Variants in CTNNA3 observed in about 807,000 individuals in gnomAD.
CTNNA3 encodes catenin alpha 3.
A neutral mutation model predicts 95.7 loss-of-function variants in CTNNA3; 76 were observed. The ratio of observed to expected loss-of-function variants is 0.79; its 90% CI spans 0.66 to 0.96. The LOEUF (loss-of-function observed/expected upper bound fraction) is 0.96, where lower values mean the gene tolerates loss of function less well. Among genes scored for constraint, CTNNA3 ranks in the 40% least tolerant of loss-of-function variants. The pLI is 0.00. For synonymous variants in CTNNA3, 431 were observed against 374.4 expected (o/e 1.15, Z -1.74); for missense variants, 1,191 against 1,089.8 (o/e 1.09, Z -1.31).
At chr10:67,313,594 T>C (rs140996611) in intron 5 of CTNNA3, among the ~76,000 whole-genome samples, 45 of 152,302 alleles carry the variant, frequency 3.0e-4, no homozygotes, top group Non-Finnish European at 4.6e-4. Context: ...TGATATTATG[T>C]AATTTGTGCT....
In CTNNA3 at chr10:66,406,079, TA is replaced by T. The variant is rs562229427; in HGVS notation, c.1532-26728del. ...CAGTGTTATCTCTCTTCAAGAAGAA[TA>T]AAAAAAGGATCTTATTAAATGGCAG... is the stretch of plus-strand genomic sequence containing the variant. On this transcript the variant is annotated intron_variant, in intron 11 of 17. Transcript: ENST00000433211. Among the ~76,000 whole-genome samples, 509 of 152,096 alleles carry T rather than the reference TA, an allele frequency of 3.3e-3. 1 individual carries two copies. Among genetic ancestry groups the T allele is most frequent in the African/African-American group, 0.012 (487 of 41,516 alleles).
At chr10:66,220,808 A>G (rs1239158506) in intron 13 of CTNNA3, among the ~76,000 whole-genome samples, 6 of 152,104 alleles carry the variant, frequency 3.9e-5, no homozygotes, top group Admixed American at 3.9e-4. Context: ...CTTCTCACCA[A>G]CATCAAGCTG....
At chr10:67,211,268 G>GA (rs572025128) in intron 6 of CTNNA3, among the ~76,000 whole-genome samples, 7,032 of 135,808 alleles carry the variant, frequency 0.052, 178 homozygotes, top group South Asian at 0.1. Flanking sequence ...AAGTTTTGGA[G>GA]AAAAAAAAAA....
intron 9 of CTNNA3, among the ~76,000 whole-genome samples, chr10:66,736,046 A>G (rs936541519): frequency 2.0e-5 from 3 of 152,190 alleles, no homozygotes; most frequent in African/African-American, 7.2e-5. Flanking sequence ...AGCAGACATC[A>G]GTCCAACCTG....
chr10:67,512,259 T>C (rs999605022), intron 5 of CTNNA3, among the ~76,000 whole-genome samples: 8 of 152,084 alleles, frequency 5.3e-5, no homozygotes, highest in Non-Finnish European at 1.0e-4. Flanking sequence ...TGGGAATGCT[T>C]GTAGAGAAAT....
chr10:67,267,947 T>C, intron 5 of CTNNA3, among the ~76,000 whole-genome samples: 1 of 152,144 alleles, frequency 6.6e-6, no homozygotes, highest in East Asian at 1.9e-4. Flanking sequence ...AATTTAAAAA[T>C]AGTTGTCTCT....
intron 7 of CTNNA3, among the ~76,000 whole-genome samples, chr10:67,025,391 C>T (rs1853310543): frequency 6.6e-6 from 1 of 151,678 alleles, no homozygotes; most frequent in South Asian, 2.1e-4. Flanking sequence ...ACATATCCAA[C>T]TTTTTACCTC....
intron 3 of CTNNA3, among the ~76,000 whole-genome samples, chr10:67,566,360 A>G (rs1325289002): frequency 1.3e-5 from 2 of 151,306 alleles, no homozygotes; most frequent in Non-Finnish European, 2.9e-5. Flanking sequence ...AAGTGGGCAA[A>G]GGACATGAAC....
intron 9 of CTNNA3, among the ~76,000 whole-genome samples, chr10:66,624,883 C>T (rs571030528): frequency 1.3e-5 from 2 of 152,114 alleles, no homozygotes; most frequent in African/African-American, 2.4e-5. Context: ...GAAAAGCATT[C>T]TGGCATTGAA....
chr10:66,616,687 G>C, intron 10 of CTNNA3, among the ~76,000 whole-genome samples: 1 of 151,978 alleles, frequency 6.6e-6, no homozygotes, highest in Non-Finnish European at 1.5e-5. Context: ...TGAAACCTAC[G>C]TGAATTCAAT....
At chr10:66,440,419 A>G (rs7068502) in intron 11 of CTNNA3, among the ~76,000 whole-genome samples, 58,065 of 151,890 alleles carry the variant, frequency 0.38, 11,661 homozygotes, top group African/African-American at 0.5. Context: ...CATATGTGCT[A>G]TATGCATGGT....
chr10:66,093,160 T>A (rs10822715), intron 14 of CTNNA3, among the ~76,000 whole-genome samples: 35,648 of 151,840 alleles, frequency 0.23, 4,342 homozygotes, highest in South Asian at 0.36. Flanking sequence ...GATACTATAA[T>A]ATACAGTGTT....
chr10:66,129,845 A>G (rs1237476040), intron 13 of CTNNA3, among the ~76,000 whole-genome samples: 1 of 151,618 alleles, frequency 6.6e-6, no homozygotes, highest in Non-Finnish European at 1.5e-5. Flanking sequence ...ACCCCCCCAC[A>G]TCACTTAGCC....
At chr10:66,395,092 C>T (rs1345495361) in intron 11 of CTNNA3, among the ~76,000 whole-genome samples, 3 of 151,718 alleles carry the variant, frequency 2.0e-5, no homozygotes, top group Non-Finnish European at 2.9e-5. Context: ...TATCTCTCCA[C>T]GTGGGAAAAA....
intron 13 of CTNNA3, among the ~76,000 whole-genome samples, chr10:66,263,934 C>T (rs1278749750): frequency 6.6e-6 from 1 of 151,850 alleles, no homozygotes; most frequent in Admixed American, 6.6e-5. Flanking sequence ...AGCCGTTTCT[C>T]GGTTTTCTAT....
At chr10:66,378,758 C>T (rs2092813489) in intron 12 of CTNNA3, among the ~76,000 whole-genome samples, 1 of 152,130 alleles carries the variant, frequency 6.6e-6, no homozygotes, top group Non-Finnish European at 1.5e-5. Flanking sequence ...GTAGGACAGA[C>T]TTGCTGTGTT....
At chr10:67,021,559 A>G (rs1853017524) in intron 7 of CTNNA3, among the ~76,000 whole-genome samples, 1 of 152,156 alleles carries the variant, frequency 6.6e-6, no homozygotes, top group Admixed American at 6.5e-5. Context: ...GTTGCTATGT[A>G]GCTATCAAAA....
intron 14 of CTNNA3, among the ~76,000 whole-genome samples, chr10:66,090,221 T>C (rs1028872041): frequency 1.3e-5 from 2 of 151,952 alleles, no homozygotes; most frequent in Non-Finnish European, 2.9e-5. Flanking sequence ...AAGGACTTTG[T>C]ACATAGGAGG....
chr10:66,685,206 C>CGTGTATATATATATACGT (rs67165990), intron 9 of CTNNA3, among the ~76,000 whole-genome samples: 2 of 116,900 alleles, frequency 1.7e-5, no homozygotes, highest in South Asian at 2.8e-4. Flanking sequence ...TATATATATA[C>CGTGTATATATATATACGT]GTATATATAT....
Sources: allele counts gnomAD v4.1 joint callset (sites outside exome capture counted in the v4.1 genomes callset), GRCh38; gene constraint gnomAD v4.1.1; transcripts MANE v1.5; gene names NCBI Gene and HGNC (gene_info 2026-07-23, HGNC 2026-07-21).